Variants in MYH11 observed in about 807,000 individuals in gnomAD.
MYH11 encodes the protein myosin-11.
MYH11 carries 80 observed loss-of-function variants against 246.6 expected under a neutral mutation model. That is an observed-to-expected ratio of 0.32 (90% CI 0.27 to 0.39). The LOEUF is 0.39. Ranked by LOEUF, MYH11 falls within the 10% of genes least tolerant of loss-of-function variation. MYH11 has a pLI of 1.00. For missense variants in MYH11, 2,158 were observed against 2,546.8 expected (o/e 0.85, Z 3.29); for synonymous variants, 1,071 against 1,015.5 (o/e 1.05, Z -1.04).
chr16:15,714,752 A>T, intron 40 of MYH11, 157 bp downstream of exon 40: 1 of 966,702 alleles, frequency 1.0e-6, no homozygotes, highest in Non-Finnish European at 1.6e-6. Context: ...TGCCTGGCCC[A>T]CACTAAGCTT....
intron 1 of MYH11, among the ~76,000 whole-genome samples, chr16:15,843,170 G>A (rs760943082): frequency 1.3e-5 from 2 of 151,680 alleles, no homozygotes; most frequent in Non-Finnish European, 2.9e-5. Flanking sequence ...AAGAGTTTGA[G>A]GCCAGCCTGG....
At chr16:15,787,105 T>C (rs2042488581) in intron 4 of MYH11, among the ~76,000 whole-genome samples, 1 of 150,590 alleles carries the variant, frequency 6.6e-6, no homozygotes, top group South Asian at 2.1e-4. Flanking sequence ...ACACTGCCTC[T>C]AGAAAAAGAT....
At chr16:15,840,932 A>G (rs1453803689) in intron 1 of MYH11, among the ~76,000 whole-genome samples, 1 of 152,234 alleles carries the variant, frequency 6.6e-6, no homozygotes, top group Non-Finnish European at 1.5e-5. Flanking sequence ...AATATTTGTC[A>G]TAAAGTATTT....
intron 3 of MYH11, among the ~76,000 whole-genome samples, chr16:15,799,954 G>A (rs562811606): frequency 2.0e-5 from 3 of 151,984 alleles, no homozygotes; most frequent in African/African-American, 4.8e-5. Flanking sequence ...ATGAGTGGAC[G>A]GAAGGAAGGA....
intron 27 of MYH11, 138 bp downstream of exon 27, chr16:15,732,426 T>TA: frequency 7.7e-7 from 1 of 1,305,598 alleles, no homozygotes. Flanking sequence ...TGTAAATAAA[T>TA]ATAAGCTGCT....
intron 3 of MYH11, among the ~76,000 whole-genome samples, chr16:15,801,304 A>G (rs191478139): frequency 2.8e-3 from 434 of 152,318 alleles, no homozygotes; most frequent in Admixed American, 9.5e-3. Flanking sequence ...TCCAAAATAT[A>G]TTAAGCTAAA....
intron 40 of MYH11, among the ~76,000 whole-genome samples, chr16:15,706,752 C>T (rs1053648045): frequency 1.3e-5 from 2 of 152,026 alleles, no homozygotes; most frequent in African/African-American, 4.8e-5. Flanking sequence ...TAGTCCCTAA[C>T]CTCCACATCA....
At chr16:15,725,392 G>T (rs1386283767) in intron 28 of MYH11, 1 of 527,356 alleles carries the variant, frequency 1.9e-6, no homozygotes, top group Middle Eastern at 4.9e-4. Flanking sequence ...CTGGAGAAGG[G>T]AGACCAGGAT....
At chr16:15,751,747 G>A (rs1207753576) in intron 15 of MYH11, among the ~76,000 whole-genome samples, 6 of 151,314 alleles carry the variant, frequency 4.0e-5, no homozygotes, top group African/African-American at 7.3e-5. Context: ...TGAGTAGCTG[G>A]GATTACAGGC....
At chr16:15,710,359 A>G (rs1285600235) in intron 40 of MYH11, among the ~76,000 whole-genome samples, 1 of 152,192 alleles carries the variant, frequency 6.6e-6, no homozygotes, top group South Asian at 2.1e-4. Context: ...TGCCACTACT[A>G]AAAATACAAA....
At chr16:15,816,838 A>G (rs2043274967) in intron 3 of MYH11, among the ~76,000 whole-genome samples, 1 of 152,080 alleles carries the variant, frequency 6.6e-6, no homozygotes, top group African/African-American at 2.4e-5. Context: ...GTAGCAGAGG[A>G]TGGCTATTTT....
intron 25 of MYH11, among the ~76,000 whole-genome samples, chr16:15,736,800 T>C (rs935442272): frequency 1.3e-5 from 2 of 152,140 alleles, no homozygotes; most frequent in African/African-American, 4.8e-5. Context: ...ACACCGGCAG[T>C]ACACCTGGCC....
rs528982283 is a variant in MYH11, at chr16:15,816,212, T to C, written c.502+7043A>G. 2.2e-4 allele frequency among the ~76,000 whole-genome samples: 33 copies of C among 152,256 alleles called. No homozygotes were observed. The South Asian group carries it at 2.5e-3, about 11-fold the overall frequency. On this transcript the variant is annotated intron_variant, in intron 3 of 40. Coordinates refer to ENST00000300036, the MANE Select transcript of MYH11 (RefSeq NM_002474.3). The stretch of plus-strand genomic sequence containing the variant: ...AAAGCACTAAGGGGAATTTCAAGGA[T>C]GGTGAAAAAGATCCTATATGACAGT...
chr16:15,765,045 G>A (rs146934083), intron 9 of MYH11, among the ~76,000 whole-genome samples: 47 of 152,222 alleles, frequency 3.1e-4, no homozygotes, highest in African/African-American at 1.1e-3. Context: ...TCTGGAGAGT[G>A]GAGGGCCTGC....
intron 20 of MYH11, among the ~76,000 whole-genome samples, chr16:15,744,284 T>C (rs943445238): frequency 1.3e-5 from 2 of 152,134 alleles, no homozygotes; most frequent in Admixed American, 1.3e-4. Context: ...AACCTCTGCC[T>C]CCCAGGTTCA....
At position 15,759,603 on chromosome 16, in the gene MYH11, C is replaced by T; in HGVS notation, c.1374G>A (p.Leu458=). The stretch of plus-strand genomic sequence containing the variant: ...CAAAGATCTCAAATCCAGCTATATC[C>T]AGGATCCCCAGGAAGGAAGCCCCTT... ...HRQGASFLGI[L]DIAGFEIFEV... is the part of the protein sequence containing the mutation. Residue 458 remains leucine, a synonymous_variant, in exon 12 of 41, where the codon CTG becomes CTA. Transcript: ENST00000300036. 6.2e-7 allele frequency: 1 copy of T among 1,614,172 alleles called. No individual in the cohort carries two copies. The highest frequency in any genetic ancestry group is 1.1e-5 in the South Asian group (1 of 91,088).
chr16:15,727,115 G>T, intron 27 of MYH11, 61 bp from the exon 28 acceptor site: 2 of 1,514,996 alleles, frequency 1.3e-6, no homozygotes, highest in Non-Finnish European at 9.1e-7. Flanking sequence ...AACGTTTCAG[G>T]CCCTGCCCTT....
rs1363325968 is a variant in MYH11 at position 15,741,897 on chromosome 16, C to T, written c.2521-6G>A. ...ACCTGCAGCAGTGGCTTCACCTGCA[C>T]ACACACGGTTAGCCCATCATTTGTT... On this transcript the variant is annotated splice_region_variant and splice_polypyrimidine_tract_variant and intron_variant, in intron 20 of 40. Transcript: ENST00000300036. The T allele has an allele frequency of 5.0e-6, 8 of 1,614,198 alleles. No individual in the cohort carries two copies. Among genetic ancestry groups the T allele is most frequent in the Non-Finnish European group, 6.8e-6 (8 of 1,180,032 alleles).
chr16:15,850,186 A>G (rs1370426326), intron 1 of MYH11, among the ~76,000 whole-genome samples: 1 of 152,164 alleles, frequency 6.6e-6, no homozygotes, highest in Non-Finnish European at 1.5e-5. Flanking sequence ...GTAGTTCAAG[A>G]CCAGCCTGGC....
Sources: allele counts gnomAD v4.1 joint callset (sites outside exome capture counted in the v4.1 genomes callset), GRCh38; gene constraint gnomAD v4.1.1; transcripts MANE v1.5; gene names NCBI Gene and HGNC (gene_info 2026-07-23, HGNC 2026-07-21).